CHRNA7: variants seen among roughly 807,000 people sequenced by gnomAD.
CHRNA7 encodes the protein neuronal acetylcholine receptor subunit alpha-7.
In CHRNA7, 17 loss-of-function variants were observed where a neutral mutation model predicts 48.0. That is an observed-to-expected ratio of 0.35 (90% CI 0.24 to 0.53). The LOEUF (loss-of-function observed/expected upper bound fraction) is 0.53. Among genes scored for constraint, CHRNA7 ranks in the 20% least tolerant of loss-of-function variants. CHRNA7 has a pLI of 0.92. For missense variants in CHRNA7, 155 were observed against 577.7 expected (o/e 0.27, Z 7.50); for synonymous variants, 75 against 242.3 (o/e 0.31, Z 6.41).
intron 2 of CHRNA7, among the ~76,000 whole-genome samples, chr15:32,089,562 T>A (rs2050350206): frequency 0.011 from 1 of 94 alleles, no homozygotes; most frequent in South Asian, 0.5. Context: ...TGCAATTCTT[T>A]CTGAGAGTTT....
chr15:32,075,393 T>C (rs2050121553), intron 2 of CHRNA7, among the ~76,000 whole-genome samples: 1 of 152,204 alleles, frequency 6.6e-6, no homozygotes, highest in Non-Finnish European at 1.5e-5. Flanking sequence ...ATAGGACTTT[T>C]AAAATTATTT....
intron 2 of CHRNA7, among the ~76,000 whole-genome samples, chr15:32,093,454 C>G (rs1434595295): frequency 6.6e-6 from 1 of 152,206 alleles, no homozygotes; most frequent in Non-Finnish European, 1.5e-5. Flanking sequence ...CCAGCGAGAA[C>G]CAAGTGGACA....
chr15:32,061,620 C>G (rs979121226), intron 2 of CHRNA7, among the ~76,000 whole-genome samples: 5 of 152,122 alleles, frequency 3.3e-5, no homozygotes, highest in African/African-American at 9.6e-5. Context: ...CCAGCCTGGC[C>G]AACATGATGA....
intron 3 of CHRNA7, among the ~76,000 whole-genome samples, chr15:32,107,214 A>G (rs960273668): frequency 1.3e-5 from 2 of 152,204 alleles, no homozygotes; most frequent in Admixed American, 6.5e-5. Flanking sequence ...CATTTCTCAC[A>G]TTATCTACCT....
chr15:32,117,582 G>A (rs2050895262), intron 4 of CHRNA7, among the ~76,000 whole-genome samples: 1 of 152,150 alleles, frequency 6.6e-6, no homozygotes, highest in South Asian at 2.1e-4. Flanking sequence ...TAGGACTTGA[G>A]GGTCCTAGGG....
rs1180026795 is a variant in CHRNA7, at chr15:32,170,332, C to G, written c.*1874C>G. On this transcript the variant is annotated 3_prime_UTR_variant, in exon 10 of 10. Transcript: ENST00000306901. The stretch of plus-strand genomic sequence containing the variant: ...CTCACTTACGAGAAAGTTGGTGGAT[C>G]AGGACATTCCAGCCTCAGGCGGCTT... The G allele has an allele frequency of 2.2e-5, 3 of 135,620 alleles. No individual in the cohort carries two copies. Among genetic ancestry groups the G allele is most frequent in the Admixed American group, 7.4e-5 (1 of 13,472 alleles). 8.4% of individuals were successfully genotyped at this position (135,620 alleles called of 1,614,324 possible).
At chr15:32,092,923 T>C (rs1595437233) in intron 2 of CHRNA7, among the ~76,000 whole-genome samples, 1 of 152,160 alleles carries the variant, frequency 6.6e-6, no homozygotes, top group African/African-American at 2.4e-5. Flanking sequence ...TTTTTGACAA[T>C]TCATTGAAAA....
At chr15:32,097,749 C>A (rs942642692) in intron 2 of CHRNA7, among the ~76,000 whole-genome samples, 3 of 152,176 alleles carry the variant, frequency 2.0e-5, no homozygotes, top group Admixed American at 6.5e-5. Flanking sequence ...GCCTCTGGGC[C>A]AGGGTTGGAT....
intron 4 of CHRNA7, among the ~76,000 whole-genome samples, chr15:32,120,281 A>C (rs2050945448): frequency 6.6e-6 from 1 of 152,036 alleles, no homozygotes; most frequent in African/African-American, 2.4e-5. Flanking sequence ...TATTTTCTAA[A>C]GTTAAAAAGC....
At chr15:32,136,562 C>T (rs2051262107) in intron 4 of CHRNA7, among the ~76,000 whole-genome samples, 1 of 151,214 alleles carries the variant, frequency 6.6e-6, no homozygotes, top group Admixed American at 6.6e-5. Context: ...GTAACTTGGA[C>T]AGTGCTTGGA....
In CHRNA7 at chr15:32,153,024, G is replaced by C. The variant is rs137939464; in HGVS notation, c.351-883G>C. 4.0e-5 allele frequency among the ~76,000 whole-genome samples: 6 copies of C among 151,086 alleles called. No homozygotes were observed. The East Asian group carries it at 1.2e-3, about 29-fold the overall frequency. The stretch of plus-strand genomic sequence containing the variant: ...TCTAAAACTCGCACTTACTTCTGTT[G>C]TCTTCCCTCACTCTCCTTCTTTTCA... On this transcript the variant is annotated intron_variant, in intron 4 of 9. Transcript: ENST00000306901.
At chr15:32,129,922 A>G (rs1050354559) in intron 4 of CHRNA7, among the ~76,000 whole-genome samples, 1 of 151,600 alleles carries the variant, frequency 6.6e-6, no homozygotes, top group African/African-American at 2.4e-5. Flanking sequence ...AGTTCAGTGT[A>G]TTTTTTTCCA....
chr15:32,036,441 A>G (rs1902090782), intron 2 of CHRNA7, among the ~76,000 whole-genome samples: 1 of 152,218 alleles, frequency 6.6e-6, no homozygotes, highest in Non-Finnish European at 1.5e-5. Context: ...TCACTTGTGT[A>G]AATACCAACG....
intron 4 of CHRNA7, chr15:32,153,276 A>G (rs1255995628): frequency 6.6e-6 from 1 of 151,322 alleles, no homozygotes; most frequent in African/African-American, 2.4e-5. Flanking sequence ...AAAAAAATTA[A>G]CCAGGTGTGG....
intron 4 of CHRNA7, among the ~76,000 whole-genome samples, chr15:32,114,399 A>G (rs1001694593): frequency 3.3e-5 from 5 of 151,752 alleles, no homozygotes; most frequent in Admixed American, 3.3e-4. Flanking sequence ...AATGATCCCC[A>G]CCTCCACATG....
chr15:32,102,529 AT>A (rs2141262930), intron 3 of CHRNA7: 1 of 152,180 alleles, frequency 6.6e-6, no homozygotes. Context: ...TAAGTATTAA[AT>A]TTTGTTTCTT....
At chr15:32,047,881 G>A (rs537022390) in intron 2 of CHRNA7, among the ~76,000 whole-genome samples, 5,574 of 152,164 alleles carry the variant, frequency 0.037, 353 homozygotes, top group African/African-American at 0.13. Context: ...TTAGCATGAA[G>A]GGTTGTTGAA....
intron 4 of CHRNA7, among the ~76,000 whole-genome samples, chr15:32,114,041 T>TATATATATATACACAC (rs1429466494): frequency 1.2e-3 from 82 of 70,262 alleles, no homozygotes; most frequent in Middle Eastern, 0.013. Context: ...TATATATATA[T>TATATATATATACACAC]ATGTATATAT....
At chr15:32,108,961 CT>C (rs1308561542) in intron 3 of CHRNA7, among the ~76,000 whole-genome samples, 1 of 152,152 alleles carries the variant, frequency 6.6e-6, no homozygotes, top group Non-Finnish European at 1.5e-5. Flanking sequence ...GATGCGGATG[CT>C]TTTGGCAGCT....
Sources: allele counts gnomAD v4.1 joint callset (sites outside exome capture counted in the v4.1 genomes callset), GRCh38; gene constraint gnomAD v4.1.1; transcripts MANE v1.5; gene names NCBI Gene and HGNC (gene_info 2026-07-23, HGNC 2026-07-21).